The following R3HCC1L variants were observed in gnomAD, a reference collection of about 807,000 sequenced individuals.
The protein encoded by R3HCC1L is coiled-coil domain-containing protein R3HCC1L.
R3HCC1L carries 51 observed loss-of-function variants against 59.9 expected under a neutral mutation model. That is an observed-to-expected ratio of 0.85 (90% CI 0.68 to 1.07). The LOEUF (loss-of-function observed/expected upper bound fraction) is 1.07. Among genes scored for constraint, R3HCC1L ranks in the 50% least tolerant of loss-of-function variants. The pLI is 0.00. For missense variants in R3HCC1L, 965 were observed against 933.0 expected (o/e 1.03, Z -0.45); for synonymous variants, 322 against 315.2 (o/e 1.02, Z -0.23).
rs1853268708 is a variant in R3HCC1L at position 98,209,467 on chromosome 10, T to C, written c.1353T>C (p.Ile451=). ...SACSDIYGES[I]SSHFTESTGK... ...GCTCAGATATTTATGGTGAGAGTAT[T>C]TCATCTCATTTTACAGAGTCAACAG... The change falls in exon 5 of 10, where the codon ATT becomes ATC. Residue 451 remains isoleucine, a synonymous_variant. Coordinates refer to ENST00000298999, the MANE Select transcript of R3HCC1L (RefSeq NM_001351015.2). The C allele has an allele frequency of 3.1e-6, 5 of 1,613,682 alleles. No individual in the cohort carries two copies. The highest frequency in any genetic ancestry group is 4.2e-6 in the Non-Finnish European group (5 of 1,179,986).
chr10:98,174,451 A>G (rs1848800681), intron 4 of R3HCC1L: 1 of 628,166 alleles, frequency 1.6e-6, no homozygotes, highest in Non-Finnish European at 2.0e-6. Context: ...ATTCCCAGGG[A>G]TAAAAGCAGC....
chr10:98,238,757 C>A (rs1857225904), intron 9 of R3HCC1L, among the ~76,000 whole-genome samples: 1 of 152,156 alleles, frequency 6.6e-6, no homozygotes, highest in Non-Finnish European at 1.5e-5. Flanking sequence ...AAAAAACTTA[C>A]ATAAAACATT....
In R3HCC1L at chr10:98,154,969, A is replaced by G. The variant is rs149854458; in HGVS notation, c.-267-1124A>G. ...TATGTGTTTATGTGCATGTGTGTGT[A>G]TACATCCCCCCATTTAACATTAGTG... is the stretch of plus-strand genomic sequence containing the variant. On this transcript the variant is annotated intron_variant, in intron 1 of 9. Transcript: ENST00000298999. Among the ~76,000 whole-genome samples the G allele has an allele frequency of 3.6e-3, 549 of 152,318 alleles. 7 individuals carry two copies. The highest frequency in any genetic ancestry group is 0.012 in the African/African-American group (516 of 41,574).
chr10:98,153,352 A>G (rs1235997001), intron 1 of R3HCC1L, among the ~76,000 whole-genome samples: 1 of 152,168 alleles, frequency 6.6e-6, no homozygotes, highest in Non-Finnish European at 1.5e-5. Flanking sequence ...GTGTCCACTC[A>G]GGGTTAAATG....
intron 4 of R3HCC1L, among the ~76,000 whole-genome samples, chr10:98,168,554 G>A (rs1848190449): frequency 6.6e-6 from 1 of 152,002 alleles, no homozygotes; most frequent in African/African-American, 2.4e-5. Context: ...ATCTTTTGTT[G>A]TCTTGATACT....
At chr10:98,136,656 T>C (rs1365535110) in intron 1 of R3HCC1L, among the ~76,000 whole-genome samples, 3 of 152,062 alleles carry the variant, frequency 2.0e-5, no homozygotes, top group Non-Finnish European at 4.4e-5. Flanking sequence ...GGCAACATAA[T>C]GAAACCCCAT....
chr10:98,202,341 A>T (rs1852140932), intron 4 of R3HCC1L, among the ~76,000 whole-genome samples: 1 of 152,132 alleles, frequency 6.6e-6, no homozygotes, highest in Non-Finnish European at 1.5e-5. Flanking sequence ...GCAAGGGAGA[A>T]AATACATAGT....
intron 2 of R3HCC1L, among the ~76,000 whole-genome samples, chr10:98,162,270 T>A (rs61873748): frequency 0.18 from 27,858 of 152,146 alleles, 2,702 homozygotes; most frequent in Non-Finnish European, 0.2. Context: ...AATAAGTAAA[T>A]ATCCTTGTAG....
chr10:98,225,961 A>G (rs1188222636), intron 5 of R3HCC1L, among the ~76,000 whole-genome samples: 1 of 151,550 alleles, frequency 6.6e-6, no homozygotes, highest in Non-Finnish European at 1.5e-5. Flanking sequence ...CGGCCTCAGC[A>G]CTCCCACCCT....
At chr10:98,137,370 A>G (rs1450504373) in intron 1 of R3HCC1L, among the ~76,000 whole-genome samples, 1 of 152,198 alleles carries the variant, frequency 6.6e-6, no homozygotes, top group Admixed American at 6.5e-5. Flanking sequence ...GGTGTCTACA[A>G]AGATGAAATG....
intron 5 of R3HCC1L, among the ~76,000 whole-genome samples, chr10:98,226,346 A>C (rs1855673623): frequency 6.6e-6 from 1 of 152,250 alleles, no homozygotes; most frequent in South Asian, 2.1e-4. Context: ...ATTTAGGAAT[A>C]CATTTAACAA....
At chr10:98,201,655 A>G (rs1056665643) in intron 4 of R3HCC1L, among the ~76,000 whole-genome samples, 1 of 152,276 alleles carries the variant, frequency 6.6e-6, no homozygotes, top group Admixed American at 6.5e-5. Flanking sequence ...TTGAACACCA[A>G]ACTTAATTCT....
At chr10:98,222,133 T>C (rs575612152) in intron 5 of R3HCC1L, among the ~76,000 whole-genome samples, 2 of 152,354 alleles carry the variant, frequency 1.3e-5, no homozygotes, top group East Asian at 1.9e-4. Flanking sequence ...TTTATTCTTT[T>C]TGAAGCAATT....
chr10:98,199,347 A>G (rs1422168052), intron 4 of R3HCC1L, among the ~76,000 whole-genome samples: 1 of 152,090 alleles, frequency 6.6e-6, no homozygotes, highest in Non-Finnish European at 1.5e-5. Context: ...TCCAATAAAT[A>G]TCTGCTTATC....
At chr10:98,168,651 A>G (rs1848201488) in intron 4 of R3HCC1L, among the ~76,000 whole-genome samples, 2 of 152,210 alleles carry the variant, frequency 1.3e-5, no homozygotes, top group South Asian at 2.1e-4. Flanking sequence ...AGTAAATATA[A>G]ATGTCCAAGG....
chr10:98,140,238 T>C (rs1029178065), intron 1 of R3HCC1L, among the ~76,000 whole-genome samples: 10 of 152,356 alleles, frequency 6.6e-5, no homozygotes, highest in African/African-American at 2.4e-4. Context: ...TCAAATTGTA[T>C]GCCAGTCGTC....
Position 98,235,494 on chromosome 10 carries a change from C to G in R3HCC1L, c.2102C>G (p.Ala701Gly). ...CCCTTGTCACAGGCCACAAGAGCAG[C>G]CAAGGCCAAAGCTAGAGCTTATGCT... ...IRPLSQATRA[A>G]KAKARAYAEF... Residue 701 changes from alanine (A) to glycine (G), a missense_variant, in exon 8 of 10, where the codon GCC becomes GGC. Transcript: ENST00000298999. 1 of 1,613,458 alleles carries G rather than the reference C, an allele frequency of 6.2e-7. No homozygotes were observed. Among genetic ancestry groups the G allele is most frequent in the Non-Finnish European group, 8.5e-7 (1 of 1,179,614 alleles).
intron 9 of R3HCC1L, among the ~76,000 whole-genome samples, chr10:98,242,567 A>G (rs1217220773): frequency 2.6e-5 from 4 of 152,220 alleles, no homozygotes; most frequent in Non-Finnish European, 4.4e-5. Context: ...AAAGAAAGCA[A>G]TAACTTTGTT....
intron 4 of R3HCC1L, chr10:98,174,664 A>G: frequency 2.0e-6 from 2 of 985,238 alleles, no homozygotes; most frequent in African/African-American, 1.7e-5. Flanking sequence ...GGAGCAGACA[A>G]TGAGGCCATC....
Sources: gnomAD v4.1 joint callset for allele counts (sites outside exome capture counted in the v4.1 genomes callset) on GRCh38, gnomAD v4.1.1 for gene constraint, MANE v1.5 for transcripts, NCBI Gene and HGNC (gene_info 2026-07-23, HGNC 2026-07-21) for gene names.